ABHD12: variants seen among roughly 807,000 people sequenced by gnomAD.
The protein encoded by ABHD12 is abhydrolase domain containing 12, lysophospholipase.
In ABHD12, 43 loss-of-function variants were observed where a neutral mutation model predicts 58.3. That is an observed-to-expected ratio of 0.74 (90% CI 0.58 to 0.95). The LOEUF (loss-of-function observed/expected upper bound fraction) is 0.95. ABHD12 is among the 40% of genes least tolerant of loss of function. ABHD12 has a pLI of 0.00. For synonymous variants in ABHD12, 219 were observed against 211.2 expected (o/e 1.04, Z -0.32); for missense variants, 539 against 537.2 (o/e 1.00, Z -0.03).
At chr20:25,299,694 C>T (rs1231961550), downstream of ABHD12, among the ~76,000 whole-genome samples, 1 of 152,128 alleles carries the variant, frequency 6.6e-6, no homozygotes, top group Non-Finnish European at 1.5e-5. Context: ...TTCTAGGATG[C>T]CACGTGGGTC....
chr20:25,310,584 A>C (rs1053618954), intron 6 of ABHD12: 2 of 152,698 alleles, frequency 1.3e-5, no homozygotes, highest in Admixed American at 1.3e-4. Flanking sequence ...AGGAGGGAGG[A>C]GGCCATGCAG....
chr20:25,308,315 A>T, intron 8 of ABHD12, 142 bp downstream of exon 8: 3 of 1,044,450 alleles, frequency 2.9e-6, no homozygotes, highest in Non-Finnish European at 4.3e-6. Context: ...GTATCATGGG[A>T]AGGGTGGCTG....
chr20:25,297,460 T>G (rs573543990), downstream of ABHD12: 3 of 152,558 alleles, frequency 2.0e-5, no homozygotes, highest in African/African-American at 7.2e-5. Context: ...TTTCCTGTTG[T>G]ACACACAAGG....
intron 1 of ABHD12, among the ~76,000 whole-genome samples, chr20:25,365,648 T>C (rs1281181562): frequency 6.6e-6 from 1 of 152,212 alleles, no homozygotes; most frequent in Non-Finnish European, 1.5e-5. Context: ...TCCTCCCAAA[T>C]CCTTGCTTCC....
chr20:25,368,488 A>G, intron 1 of ABHD12: 1 of 1,542,114 alleles, frequency 6.5e-7, no homozygotes, highest in Non-Finnish European at 9.0e-7. Context: ...AGATGCTAGG[A>G]CCTGTATGCT....
In ABHD12 at chr20:25,320,364, G is replaced by A. The variant is rs779493733; in HGVS notation, c.423-46C>T. On this transcript the variant is annotated intron_variant, in intron 3 of 12. Transcript: ENST00000339157. Reference sequence around the variant, plus strand: ...GAGCGCAGGATCAGATGTCCCTTCTGTCCTCATCCTGGCGACTGCACGTGG... The same window carrying A: ...GAGCGCAGGATCAGATGTCCCTTCTATCCTCATCCTGGCGACTGCACGTGG... The A allele has an allele frequency of 1.9e-6, 3 of 1,608,894 alleles. No individual in the cohort carries two copies. In the East Asian group the frequency reaches 6.7e-5, roughly 36 times the overall value.
At chr20:25,353,311 G>A (rs187648307) in intron 1 of ABHD12, among the ~76,000 whole-genome samples, 4 of 150,634 alleles carry the variant, frequency 2.7e-5, no homozygotes, top group Admixed American at 2.0e-4. Context: ...TACCTTTAAA[G>A]TTAATTCCCA....
chr20:25,387,053 T>C (rs2090100845), intron 1 of ABHD12, among the ~76,000 whole-genome samples: 1 of 152,114 alleles, frequency 6.6e-6, no homozygotes, highest in Non-Finnish European at 1.5e-5. Context: ...ACACTGGCAT[T>C]TGAGAAAACT....
chr20:25,307,671 C>A (rs1475539154), intron 9 of ABHD12, among the ~76,000 whole-genome samples: 1 of 152,248 alleles, frequency 6.6e-6, no homozygotes, highest in African/African-American at 2.4e-5. Flanking sequence ...CACTCCTGAA[C>A]AGGAAGGCAG....
rs573465303 is a variant in ABHD12 at position 25,343,182 on chromosome 20, C to T, written c.192-3831G>A. ...GTAAGAAATAGACAATCTGAACATGCCTGTTTCTATTAAATACATTCAATC... is the reference window on the plus strand; with the variant it reads ...GTAAGAAATAGACAATCTGAACATGTCTGTTTCTATTAAATACATTCAATC... On this transcript the variant is annotated intron_variant, in intron 1 of 12. Transcript: ENST00000339157. Among the ~76,000 whole-genome samples, 117 of 152,270 alleles carry T rather than the reference C, an allele frequency of 7.7e-4. 1 individual carries two copies. Among genetic ancestry groups the T allele is most frequent in the Non-Finnish European group, 1.3e-3 (87 of 68,012 alleles).
intron 2 of ABHD12, among the ~76,000 whole-genome samples, chr20:25,331,834 C>A (rs2089282027): frequency 6.6e-6 from 1 of 152,006 alleles, no homozygotes; most frequent in Non-Finnish European, 1.5e-5. Flanking sequence ...AAAACCGGTA[C>A]CAGCCACTGC....
downstream of ABHD12, chr20:25,296,515 G>A (rs200006792): frequency 2.9e-5 from 46 of 1,612,732 alleles, no homozygotes; most frequent in East Asian, 1.1e-4. Context: ...AACATCCCCC[G>A]GGACTAGGCA....
chr20:25,313,701 G>A (rs1231060623), intron 6 of ABHD12, among the ~76,000 whole-genome samples: 2 of 152,184 alleles, frequency 1.3e-5, no homozygotes, highest in Non-Finnish European at 2.9e-5. Flanking sequence ...AAGATCACTT[G>A]AACCCGGGAG....
At chr20:25,324,224 G>A (rs1287139955) in intron 2 of ABHD12, among the ~76,000 whole-genome samples, 1 of 152,150 alleles carries the variant, frequency 6.6e-6, no homozygotes, top group Admixed American at 6.6e-5. Context: ...CTGTGGGTGC[G>A]GGTGCGGTAG....
intron 1 of ABHD12, among the ~76,000 whole-genome samples, chr20:25,383,728 G>A (rs1457032036): frequency 6.6e-6 from 1 of 152,078 alleles, no homozygotes; most frequent in Non-Finnish European, 1.5e-5. Context: ...GGCCAAGGTG[G>A]GCGGATCATG....
chr20:25,314,786 C>T, intron 6 of ABHD12, 139 bp downstream of exon 6: 1 of 965,158 alleles, frequency 1.0e-6, no homozygotes, highest in South Asian at 1.3e-5. Context: ...GGGTCTTTGT[C>T]AGGACCCAGG....
chr20:25,366,825 GTA>G (rs1193541977), intron 1 of ABHD12, among the ~76,000 whole-genome samples: 1 of 152,142 alleles, frequency 6.6e-6, no homozygotes, highest in Non-Finnish European at 1.5e-5. Flanking sequence ...ATTCACAAGT[GTA>G]TTTGGGTCTA....
At chr20:25,295,688 A>G (rs1210547539), downstream of ABHD12, 1 of 1,606,884 alleles carries the variant, frequency 6.2e-7, no homozygotes, top group Non-Finnish European at 8.5e-7. Flanking sequence ...TCCTGGGTCC[A>G]GAGGCTAGGG....
At position 25,300,250 on chromosome 20, in the gene ABHD12, G is replaced by GAC; in HGVS notation, c.*594_*595insGT. ...CGATTTTATTCTTAAATAAAGCTCA[G>GAC]TCTAAGGCCAGGTTAGGTGTACAGG... On this transcript the variant is annotated 3_prime_UTR_variant, in exon 13 of 13. Transcript: ENST00000339157. 9.9e-7 allele frequency: 1 copy of GAC among 1,008,774 alleles called. No homozygotes were observed. The highest frequency in any genetic ancestry group is 1.2e-6 in the Non-Finnish European group (1 of 842,998). 62.5% of individuals were successfully genotyped at this position (1,008,774 alleles called of 1,614,324 possible).
Sources: gnomAD v4.1 joint callset for allele counts (sites outside exome capture counted in the v4.1 genomes callset) on GRCh38, gnomAD v4.1.1 for gene constraint, MANE v1.5 for transcripts, NCBI Gene and HGNC (gene_info 2026-07-23, HGNC 2026-07-21) for gene names.